ABCG5: variants seen among roughly 807,000 people sequenced by gnomAD.
ABCG5 encodes the protein ATP binding cassette subfamily G member 5, also known as ATP-binding cassette sub-family G member 5.
Under a neutral mutation model 64.5 loss-of-function variants are expected in ABCG5, and 64 were observed. The ratio of observed to expected loss-of-function variants is 0.99; its 90% confidence interval spans 0.81 to 1.22. The LOEUF is 1.22. Ranked by LOEUF, ABCG5 falls within the 50% of genes most tolerant of loss-of-function variation. ABCG5 has a pLI of 0.00. For synonymous variants in ABCG5, 385 were observed against 326.3 expected (o/e 1.18, Z -1.94); for missense variants, 908 against 829.5 (o/e 1.09, Z -1.16).
chr2:43,827,842 T>G, intron 5 of ABCG5, 141 bp downstream of exon 5: 2 of 1,324,048 alleles, frequency 1.5e-6, no homozygotes, highest in Non-Finnish European at 1.0e-6. Context: ...AAAAACTGGG[T>G]CCTCAGTTTG....
At chr2:43,809,808 A>T, downstream of ABCG5, 4 of 1,570,850 alleles carry the variant, frequency 2.5e-6, no homozygotes, top group Non-Finnish European at 3.5e-6. Flanking sequence ...TCTTTTCCAA[A>T]TACAAATAAG....
At chr2:43,807,911 TTGG>T (rs1666329180), downstream of ABCG5, among the ~76,000 whole-genome samples, 1 of 152,192 alleles carries the variant, frequency 6.6e-6, no homozygotes, top group African/African-American at 2.4e-5. Flanking sequence ...TCTAGTGGAC[TTGG>T]TGGTTTTTGT....
At chr2:43,823,010 T>C in intron 9 of ABCG5, 75 bp from the exon 10 acceptor site, 1 of 1,579,424 alleles carries the variant, frequency 6.3e-7, no homozygotes. Context: ...CCAAGCTGAA[T>C]GTGAGGTCTG....
intron 10 of ABCG5, chr2:43,822,527 C>G (rs1667293939): frequency 1.0e-6 from 1 of 982,372 alleles, no homozygotes; most frequent in Non-Finnish European, 1.2e-6. Context: ...CCTCTCTTCT[C>G]TGGCCCAGGC....
In ABCG5 at chr2:43,814,601, GA is replaced by G. The variant is rs1666698232; in HGVS notation, c.1650-13del. 1 of 1,523,390 alleles carries G rather than the reference GA, an allele frequency of 6.6e-7. No homozygotes were observed. Among genetic ancestry groups the G allele is most frequent in the Admixed American group, 1.7e-5 (1 of 59,502 alleles). The allele number at this position is 1,523,390 out of a possible 1,614,324, so 94.4% of individuals were successfully genotyped here. ...TTTCTTGTATGTTTCTTAAGAAAAAGAAAACAAAAATGAAATTCAGTAGGCT... is the reference window on the plus strand; with the variant it reads ...TTTCTTGTATGTTTCTTAAGAAAAAGAAACAAAAATGAAATTCAGTAGGCT... On this transcript the variant is annotated splice_polypyrimidine_tract_variant and intron_variant, in intron 11 of 12. Coordinates refer to ENST00000405322, the MANE Select transcript of ABCG5 (RefSeq NM_022436.3).
At chr2:43,832,106 C>T in intron 2 of ABCG5, 23 bp from the exon 3 acceptor site, 1 of 1,567,940 alleles carries the variant, frequency 6.4e-7, no homozygotes, top group Non-Finnish European at 8.6e-7. Context: ...AACAGAAGGC[C>T]CTAGAGGAAC....
downstream of ABCG5, chr2:43,809,946 A>G (rs60090792): frequency 9.1e-4 from 1,219 of 1,333,682 alleles, 12 homozygotes; most frequent in African/African-American, 0.016. Context: ...TTAAAAGGAA[A>G]AATTATTGTA....
At position 43,831,770 on chromosome 2, in the gene ABCG5, T is replaced by A; in HGVS notation, c.500A>T (p.Lys167Met). 4 of 1,577,896 alleles carry A rather than the reference T, an allele frequency of 2.5e-6. No homozygotes were observed. Among genetic ancestry groups the A allele is most frequent in the Non-Finnish European group, 3.4e-6 (4 of 1,163,660 alleles). ...CTGTGAGCGGGGGGCTGCACCCACC[T>A]TCTTCTGGAAGGAGCCGGGATTGCC... ...RRGNPGSFQK[K>M]VEAVMAELSL... The change falls in exon 4 of 13, where the codon AAG becomes ATG. Residue 167 changes from lysine to methionine, a missense_variant and splice_region_variant. Coordinates refer to ENST00000405322, the MANE Select transcript of ABCG5 (RefSeq NM_022436.3).
intron 4 of ABCG5, among the ~76,000 whole-genome samples, chr2:43,829,307 A>C (rs2104852119): frequency 6.6e-6 from 1 of 152,356 alleles, no homozygotes; most frequent in Non-Finnish European, 1.5e-5. Flanking sequence ...GTGTGAGTCC[A>C]CATCAAAGAC....
In ABCG5 at chr2:43,824,109, T is replaced by C. The variant is rs781466225; in HGVS notation, c.1128A>G (p.Thr376=). 6 of 1,614,098 alleles carry C rather than the reference T, an allele frequency of 3.7e-6. No homozygotes were observed. In the Admixed American group the frequency reaches 6.7e-5, roughly 18 times the overall value. Residue 376 remains threonine, a synonymous_variant, in exon 9 of 13, where the codon ACA becomes ACG. Coordinates refer to ENST00000405322, the MANE Select transcript of ABCG5 (RefSeq NM_022436.3). ...SKLGVLLRRV[T]RNLVRNKLAV... is the part of the protein sequence containing the mutation. ...CCAGCTTATTTCTCACCAAGTTTCT[T>C]GTCACTCTCCTGAAAACAAACAACC...
Position 43,837,972 on chromosome 2 carries a change from A to C in ABCG5, c.144-17T>G, listed in dbSNP as rs774178310. On this transcript the variant is annotated splice_polypyrimidine_tract_variant and intron_variant, in intron 1 of 12. Transcript: ENST00000405322. ...ACGCGGTGGCTTTAAAGGAAACCCC[A>C]GGAAGGCAAAGGCAGCTTGGGGCCC... The C allele has an allele frequency of 7.4e-6, 12 of 1,613,516 alleles. No individual in the cohort carries two copies. Among genetic ancestry groups the C allele is most frequent in the Non-Finnish European group, 1.0e-5 (12 of 1,179,636 alleles).
In ABCG5 at chr2:43,813,132, T is replaced by G. The variant is rs751255339; in HGVS notation, c.1940A>C (p.His647Pro). The G allele has an allele frequency of 7.7e-7, 1 of 1,296,498 alleles. No individual in the cohort carries two copies. The highest frequency in any genetic ancestry group is 1.2e-5 in the South Asian group (1 of 84,570). 80.3% of individuals were successfully genotyped at this position (1,296,498 alleles called of 1,614,324 possible). The part of the protein sequence containing the change: ...LGIVVFKIRD[H>P]LISR The stretch of plus-strand genomic sequence containing the variant: ...TGGCTTTCACTACCTGCTAATGAGA[T>G]GATCCCTTATTTTGAAAACAACTAT... The change falls in exon 13 of 13, where the codon CAT (histidine) becomes CCT (proline). Residue 647 changes from histidine to proline, a missense_variant. By Grantham distance (77) the His-to-Pro change is moderately conservative (BLOSUM62 -2). Transcript: ENST00000405322.
Position 43,812,787 on chromosome 2 carries a change from C to T in ABCG5, c.*329G>A. 3.6e-6 allele frequency: 1 copy of T among 275,358 alleles called. No homozygotes were observed. 17.1% of individuals were successfully genotyped at this position (275,358 alleles called of 1,614,324 possible). A position where few individuals can be genotyped will look rare whatever the true frequency, so the allele number is the denominator to read the frequency against. On this transcript the variant is annotated 3_prime_UTR_variant, in exon 13 of 13. Transcript: ENST00000405322. ...CAATGTAAACATATTTTTAAGCTGACCTATTTTTTTCTGTGCCTAGAACAA... is the reference window on the plus strand; with the variant it reads ...CAATGTAAACATATTTTTAAGCTGATCTATTTTTTTCTGTGCCTAGAACAA...
At chr2:43,827,926 G>GCA (rs1432612234) in intron 5 of ABCG5, 57 bp downstream of exon 5, 36 of 1,608,586 alleles carry the variant, frequency 2.2e-5, no homozygotes, top group Non-Finnish European at 2.9e-5. Flanking sequence ...CAAAGTATCT[G>GCA]CACACACACA....
In ABCG5 at chr2:43,824,998, G is replaced by A. The variant is rs112926649; in HGVS notation, c.795C>T (p.Ile265=). Residue 265 remains isoleucine (I), a synonymous_variant, in exon 7 of 13, where the codon ATC becomes ATT. Transcript: ENST00000405322. ...ELFQLFDKIA[I]LSFGELIFCG... is the part of the protein sequence containing the mutation. ...AGAAAATCAGCTCTCCGAAGCTCAG[G>A]ATGGCAATTTTGTCAAAGAGCTGAC... 2 of 1,613,924 alleles carry A rather than the reference G, an allele frequency of 1.2e-6. No homozygotes were observed. Among genetic ancestry groups the A allele is most frequent in the Non-Finnish European group, 8.5e-7 (1 of 1,179,910 alleles).
intron 10 of ABCG5, among the ~76,000 whole-genome samples, chr2:43,821,863 A>ATT (rs1667228698): frequency 6.6e-6 from 1 of 150,468 alleles, no homozygotes. Flanking sequence ...TCTATTTTTC[A>ATT]TTCTCTCTCT....
intron 2 of ABCG5, among the ~76,000 whole-genome samples, chr2:43,837,240 C>T (rs532944383): frequency 2.0e-5 from 3 of 151,816 alleles, no homozygotes; most frequent in African/African-American, 7.2e-5. Flanking sequence ...CCACCTCAGC[C>T]TCCCAAGTAG....
intron 7 of ABCG5, chr2:43,824,651 A>T: frequency 2.0e-6 from 2 of 985,168 alleles, no homozygotes. Flanking sequence ...AGCTCAGCTA[A>T]TTATGCTCTG....
intron 5 of ABCG5, among the ~76,000 whole-genome samples, chr2:43,826,826 T>C (rs549018476): frequency 6.6e-6 from 1 of 152,306 alleles, no homozygotes; most frequent in East Asian, 1.9e-4. Context: ...GAACAAGGGC[T>C]GGCAGGCTGG....
Sources: gnomAD v4.1 joint callset for allele counts (sites outside exome capture counted in the v4.1 genomes callset) on GRCh38, gnomAD v4.1.1 for gene constraint, MANE v1.5 for transcripts, NCBI Gene and HGNC (gene_info 2026-07-23, HGNC 2026-07-21) for gene names.